The following SNX16 variants were observed in gnomAD, a reference collection of about 807,000 sequenced individuals.
The protein encoded by SNX16 is sorting nexin 16.
SNX16 carries 35 observed loss-of-function variants against 36.7 expected under a neutral mutation model. That is an observed-to-expected ratio of 0.95 (90% confidence interval 0.73 to 1.27). The LOEUF (loss-of-function observed/expected upper bound fraction) is 1.27, where lower values mean the gene tolerates loss of function less well. Ranked by LOEUF, SNX16 falls within the 50% of genes most tolerant of loss-of-function variation. SNX16 has a pLI of 0.00. For missense variants in SNX16, 367 were observed against 393.6 expected, an observed-to-expected ratio of 0.93 and a Z score of 0.57; for synonymous variants, 134 against 132.0, an observed-to-expected ratio of 1.02 and a Z score of -0.10.
intron 5 of SNX16, among the ~76,000 whole-genome samples, chr8:81,805,958 C>T (rs185074094): frequency 6.6e-6 from 1 of 151,946 alleles, no homozygotes; most frequent in Non-Finnish European, 1.5e-5. Flanking sequence ...AAAATCTATA[C>T]AAAATGGTCA....
In SNX16 at chr8:81,839,930, A is replaced by G; in HGVS notation, c.57T>C (p.Phe19=). 1.2e-6 allele frequency: 2 copies of G among 1,613,952 alleles called. No individual in the cohort carries two copies. Among genetic ancestry groups the G allele is most frequent in the Non-Finnish European group, 1.7e-6 (2 of 1,179,904 alleles). ...AACTTCTTTGATTTCTGTTTGTTGT[A>G]AAACTGGAAGCAGAGTTTCCTATGG... is the stretch of plus-strand genomic sequence containing the variant. The part of the protein sequence containing the change: ...PMPIGNSASS[F]TTNRNQRSSS... Residue 19 remains phenylalanine, a synonymous_variant, in exon 2 of 8, where the codon TTT becomes TTC. Transcript: ENST00000345957.
chr8:81,829,743 T>C (rs930404936), intron 2 of SNX16, among the ~76,000 whole-genome samples: 1 of 152,108 alleles, frequency 6.6e-6, no homozygotes, highest in Non-Finnish European at 1.5e-5. Context: ...GACAAAACGC[T>C]TTTTCTGTGC....
At chr8:81,808,723 G>A (rs1277483979) in intron 5 of SNX16, 2 of 1,154,498 alleles carry the variant, frequency 1.7e-6, no homozygotes, top group Admixed American at 1.7e-5. Flanking sequence ...GGCAGTGGCA[G>A]AAGATTTTAA....
chr8:81,832,818 T>C (rs1811327806), intron 2 of SNX16, among the ~76,000 whole-genome samples: 1 of 149,972 alleles, frequency 6.7e-6, no homozygotes, highest in African/African-American at 2.5e-5. Flanking sequence ...TACGGTATTT[T>C]GCACTAAGCT....
chr8:81,829,634 G>A, intron 2 of SNX16, 118 bp from the exon 3 acceptor site: 1 of 387,338 alleles, frequency 2.6e-6, no homozygotes, highest in South Asian at 8.8e-5. Flanking sequence ...CAATTATTAT[G>A]TAAAAAATAT....
chr8:81,834,322 G>GA (rs1563454747), intron 2 of SNX16, among the ~76,000 whole-genome samples: 1 of 152,132 alleles, frequency 6.6e-6, no homozygotes, highest in Non-Finnish European at 1.5e-5. Flanking sequence ...CAACATGTGG[G>GA]AATTCAAGAT....
chr8:81,803,738 G>T (rs1033065957), intron 5 of SNX16, among the ~76,000 whole-genome samples: 2 of 151,718 alleles, frequency 1.3e-5, no homozygotes, highest in Non-Finnish European at 3.0e-5. Flanking sequence ...GGTACATTTT[G>T]GGAAGTAAGT....
intron 4 of SNX16, among the ~76,000 whole-genome samples, chr8:81,821,225 C>T (rs925937424): frequency 6.6e-6 from 1 of 151,638 alleles, no homozygotes; most frequent in Non-Finnish European, 1.5e-5. Flanking sequence ...CCTAAAATGC[C>T]TATTTATGAA....
Position 81,799,686 on chromosome 8 carries a change from CTAATT to C in SNX16, c.*1806_*1810del, listed in dbSNP as rs1486761771. On this transcript the variant is annotated 3_prime_UTR_variant, in exon 8 of 8. Transcript: ENST00000345957. ...ATAAATATAAATAATAGTGGTTTAC[CTAATT>C]AACAGATTTTTTTCTTCATCCTTGA... 3.0e-4 allele frequency: 46 copies of C among 151,706 alleles called. No individual in the cohort carries two copies. The highest frequency in any genetic ancestry group is 1.9e-3 in the Admixed American group (29 of 15,260). The allele number at this position is 151,706 out of a possible 1,614,324, so 9.4% of individuals were successfully genotyped here.
Position 81,822,926 on chromosome 8 carries a change from G to GTA in SNX16, c.611+864_611+865dup, listed in dbSNP as rs10548631. On this transcript the variant is annotated intron_variant, in intron 4 of 7. Transcript: ENST00000345957. ...TGGCACACACTGAAAAGCAAGATGTGTATATATATATATACATATACATAT... is the reference window on the plus strand; with the variant it reads ...TGGCACACACTGAAAAGCAAGATGTGTATATATATATATATACATATACATAT... Among the ~76,000 whole-genome samples, 1,101 of 130,182 alleles carry GTA rather than the reference G, an allele frequency of 8.5e-3. 22 individuals are homozygous for GTA. The highest frequency in any genetic ancestry group is 0.03 in the African/African-American group (995 of 33,034). 85.4% of individuals were successfully genotyped at this position (130,182 alleles called of 152,430 possible).
intron 1 of SNX16, among the ~76,000 whole-genome samples, chr8:81,841,079 G>A (rs1265047826): frequency 6.6e-6 from 1 of 152,184 alleles, no homozygotes; most frequent in African/African-American, 2.4e-5. Flanking sequence ...TGTGGCTCAC[G>A]CCTGTAATCC....
At position 81,842,130 on chromosome 8, in the gene SNX16, C is replaced by T. The variant is rs4316108; in HGVS notation, c.-105G>A. ...AATGACCCAGTCTTTACCTCAGCCC[C>T]CTCGGCGATCCCGAACGAGCGCGCT... On this transcript the variant is annotated 5_prime_UTR_variant, in exon 1 of 8. Coordinates refer to ENST00000345957, the MANE Select transcript of SNX16 (RefSeq NM_152836.3). The T allele has an allele frequency of 6.7e-6, 1 of 150,026 alleles. No homozygotes were observed. The highest frequency in any genetic ancestry group is 1.5e-5 in the Non-Finnish European group (1 of 67,560). 9.3% of individuals were successfully genotyped at this position (150,026 alleles called of 1,614,324 possible).
At chr8:81,837,307 C>A (rs1481786899) in intron 2 of SNX16, among the ~76,000 whole-genome samples, 2 of 152,152 alleles carry the variant, frequency 1.3e-5, no homozygotes, top group East Asian at 3.8e-4. Flanking sequence ...AATTTCATAT[C>A]TGTCATTTAC....
In SNX16 at chr8:81,803,028, G is replaced by A. The variant is rs1809774165; in HGVS notation, c.818+64C>T. 4 of 1,320,266 alleles carry A rather than the reference G, an allele frequency of 3.0e-6. No individual in the cohort carries two copies. In the Admixed American group the frequency reaches 1.1e-4, roughly 37 times the overall value. The allele number at this position is 1,320,266 out of a possible 1,614,324, so 81.8% of individuals were successfully genotyped here. ...CCTAAATCATATTAAAATATAAAGG[G>A]CAGTTAGCCCAGAGTATTAAGGGTT... is the stretch of plus-strand genomic sequence containing the variant. On this transcript the variant is annotated intron_variant, in intron 6 of 7. Transcript: ENST00000345957.
At chr8:81,837,245 G>A (rs570928495) in intron 2 of SNX16, among the ~76,000 whole-genome samples, 77 of 152,242 alleles carry the variant, frequency 5.1e-4, no homozygotes, top group Admixed American at 4.5e-3. Context: ...AGTGCCTGAG[G>A]CATAATAGGT....
intron 2 of SNX16, among the ~76,000 whole-genome samples, chr8:81,838,111 G>A (rs1811572015): frequency 6.6e-6 from 1 of 151,976 alleles, no homozygotes; most frequent in South Asian, 2.1e-4. Flanking sequence ...GCAGTAAATA[G>A]AAAACAAAAA....
chr8:81,814,263 GA>G (rs1176095780), intron 5 of SNX16, among the ~76,000 whole-genome samples: 1 of 151,858 alleles, frequency 6.6e-6, no homozygotes, highest in Admixed American at 6.6e-5. Context: ...GGATAACATG[GA>G]ATACCCTCAA....
intron 2 of SNX16, among the ~76,000 whole-genome samples, chr8:81,838,528 A>G (rs1811596337): frequency 6.6e-6 from 1 of 151,208 alleles, no homozygotes; most frequent in African/African-American, 2.4e-5. Flanking sequence ...TGAAGAGGAG[A>G]GAGAGTGGTC....
Position 81,803,080 on chromosome 8 carries a change from A to G in SNX16, c.818+12T>C, listed in dbSNP as rs200384195. On this transcript the variant is annotated intron_variant, in intron 6 of 7. Coordinates refer to ENST00000345957, the MANE Select transcript of SNX16 (RefSeq NM_152836.3). ...AATTAGTCAGAGTAGAAATGCAAGT[A>G]TCACAACACACCTGATTCTGTTCTC... is the stretch of plus-strand genomic sequence containing the variant. The G allele has an allele frequency of 2.1e-5, 34 of 1,592,966 alleles. No homozygotes were observed. The highest frequency in any genetic ancestry group is 2.8e-5 in the Non-Finnish European group (33 of 1,172,618).
Sources: allele counts gnomAD v4.1 joint callset (sites outside exome capture counted in the v4.1 genomes callset), GRCh38; gene constraint gnomAD v4.1.1; transcripts MANE v1.5; gene names NCBI Gene and HGNC (gene_info 2026-07-23, HGNC 2026-07-21).